Variants in NKAIN2 observed in about 807,000 individuals in gnomAD.
NKAIN2 encodes the protein sodium/potassium transporting ATPase interacting 2, also known as sodium/potassium-transporting ATPase subunit beta-1-interacting protein 2.
In NKAIN2, 14 loss-of-function variants were observed where a neutral mutation model predicts 32.6. The ratio of observed to expected loss-of-function variants is 0.43; its 90% CI spans 0.28 to 0.67. The LOEUF (loss-of-function observed/expected upper bound fraction) is 0.67, where lower values mean the gene tolerates loss of function less well. NKAIN2 is among the 30% of genes least tolerant of loss of function. The pLI, the probability that NKAIN2 is intolerant of heterozygous loss-of-function variation, is 0.17. For missense variants in NKAIN2, 198 were observed against 258.3 expected, an observed-to-expected ratio of 0.77 and a Z score of 1.60; for synonymous variants, 80 against 87.2, an observed-to-expected ratio of 0.92 and a Z score of 0.46.
At chr6:124,441,916 G>C (rs938840666) in intron 3 of NKAIN2, among the ~76,000 whole-genome samples, 78 of 151,954 alleles carry the variant, frequency 5.1e-4, no homozygotes, top group African/African-American at 1.8e-3. Context: ...CTAGCAGGTT[G>C]AATAGTTGAT....
chr6:123,876,990 C>A (rs935938161), intron 1 of NKAIN2, among the ~76,000 whole-genome samples: 2 of 152,058 alleles, frequency 1.3e-5, no homozygotes. Context: ...ACAAAAATTA[C>A]CCCAAAATAT....
intron 1 of NKAIN2, among the ~76,000 whole-genome samples, chr6:124,210,189 C>T (rs1416683735): frequency 6.6e-6 from 1 of 151,682 alleles, no homozygotes; most frequent in Non-Finnish European, 1.5e-5. Flanking sequence ...TTCCTAGCAC[C>T]ATTTGGACTG....
intron 3 of NKAIN2, among the ~76,000 whole-genome samples, chr6:124,436,617 C>G (rs1323361919): frequency 2.0e-5 from 3 of 152,070 alleles, no homozygotes; most frequent in African/African-American, 7.2e-5. Flanking sequence ...TCCCACAGCC[C>G]ACTCCAATCC....
intron 1 of NKAIN2, among the ~76,000 whole-genome samples, chr6:124,021,803 A>G (rs1192698605): frequency 6.6e-6 from 1 of 152,084 alleles, no homozygotes; most frequent in Non-Finnish European, 1.5e-5. Context: ...CCCTGATTGT[A>G]CTGCCTTTAA....
chr6:123,913,091 A>C (rs1468471020), intron 1 of NKAIN2, among the ~76,000 whole-genome samples: 3 of 152,202 alleles, frequency 2.0e-5, no homozygotes, highest in Non-Finnish European at 4.4e-5. Flanking sequence ...ATGATGGTTA[A>C]TTTCATGAGA....
At chr6:124,278,177 T>C (rs924911199) in intron 1 of NKAIN2, among the ~76,000 whole-genome samples, 3 of 152,168 alleles carry the variant, frequency 2.0e-5, no homozygotes, top group African/African-American at 7.2e-5. Context: ...TTCTTGTTAT[T>C]AAAGTTGAAT....
intron 1 of NKAIN2, among the ~76,000 whole-genome samples, chr6:124,052,372 C>G (rs1782451481): frequency 6.6e-6 from 1 of 152,036 alleles, no homozygotes; most frequent in Admixed American, 6.6e-5. Flanking sequence ...GTGTGGAACT[C>G]TGTAGTTGAT....
intron 1 of NKAIN2, among the ~76,000 whole-genome samples, chr6:123,910,499 G>GGT (rs1775117210): frequency 1.2e-5 from 1 of 81,314 alleles, no homozygotes; most frequent in Non-Finnish European, 2.2e-5. Context: ...TGCAATGCAT[G>GGT]TTTTTTTTTT....
At chr6:124,524,067 A>G (rs1223512321) in intron 3 of NKAIN2, among the ~76,000 whole-genome samples, 2 of 152,154 alleles carry the variant, frequency 1.3e-5, no homozygotes, top group Non-Finnish European at 2.9e-5. Flanking sequence ...CCACTAAGAA[A>G]TTACTACTTT....
At chr6:124,519,959 C>A (rs983019989) in intron 3 of NKAIN2, among the ~76,000 whole-genome samples, 1 of 152,052 alleles carries the variant, frequency 6.6e-6, no homozygotes, top group Non-Finnish European at 1.5e-5. Context: ...CTATACAGCA[C>A]CTCTATTGGG....
intron 1 of NKAIN2, among the ~76,000 whole-genome samples, chr6:124,046,044 A>G (rs1782108771): frequency 2.0e-5 from 3 of 152,022 alleles, no homozygotes; most frequent in Non-Finnish European, 4.4e-5. Context: ...CCAAGTTCAA[A>G]AGAGGGAAGA....
intron 1 of NKAIN2, among the ~76,000 whole-genome samples, chr6:123,842,387 C>G (rs1369615168): frequency 1.3e-5 from 2 of 152,084 alleles, no homozygotes; most frequent in South Asian, 2.1e-4. Context: ...AAAGTACTCT[C>G]ATGCCTTTTT....
At chr6:124,746,937 T>C (rs1460447063) in intron 4 of NKAIN2, among the ~76,000 whole-genome samples, 1 of 151,924 alleles carries the variant, frequency 6.6e-6, no homozygotes, top group East Asian at 1.9e-4. Context: ...CTATTAACAC[T>C]ATTATATCCA....
At chr6:124,350,165 C>T (rs1798649438) in intron 2 of NKAIN2, among the ~76,000 whole-genome samples, 1 of 152,182 alleles carries the variant, frequency 6.6e-6, no homozygotes, top group African/African-American at 2.4e-5. Context: ...AACATCTTTT[C>T]CAATTATACT....
rs896926091 is a variant in NKAIN2, at chr6:124,043,930, T to C, written c.55-239075T>C. 4.7e-4 allele frequency among the ~76,000 whole-genome samples: 72 copies of C among 152,016 alleles called. 2 individuals carry two copies. Among genetic ancestry groups the C allele is most frequent in the Non-Finnish European group, 2.9e-5 (2 of 67,964 alleles). On this transcript the variant is annotated intron_variant, in intron 1 of 6. Transcript: ENST00000368417. ...GGTGAACGGAAAGTAAGACAAACCA[T>C]AGTGTATTGCAAAAGGTAGGAACTA...
chr6:124,431,544 T>C (rs890619170), intron 3 of NKAIN2, among the ~76,000 whole-genome samples: 2 of 152,210 alleles, frequency 1.3e-5, no homozygotes, highest in Non-Finnish European at 2.9e-5. Flanking sequence ...AGATATATTA[T>C]ATGCTATATG....
At chr6:124,372,158 A>C (rs1166705948) in intron 3 of NKAIN2, among the ~76,000 whole-genome samples, 1 of 152,176 alleles carries the variant, frequency 6.6e-6, no homozygotes, top group Non-Finnish European at 1.5e-5. Context: ...AATACCATAC[A>C]TGTTTATACA....
At chr6:124,706,458 A>G (rs143003492) in intron 4 of NKAIN2, among the ~76,000 whole-genome samples, 3 of 152,088 alleles carry the variant, frequency 2.0e-5, no homozygotes, top group Admixed American at 1.3e-4. Flanking sequence ...ATATGATTCT[A>G]TGTCAGCTGA....
chr6:124,454,173 G>C (rs1402177151), intron 3 of NKAIN2, among the ~76,000 whole-genome samples: 2 of 150,750 alleles, frequency 1.3e-5, no homozygotes, highest in African/African-American at 4.9e-5. Flanking sequence ...CATACAAATA[G>C]ATTATGTTGA....
Sources: allele counts gnomAD v4.1 joint callset (sites outside exome capture counted in the v4.1 genomes callset), GRCh38; gene constraint gnomAD v4.1.1; transcripts MANE v1.5; gene names NCBI Gene and HGNC (gene_info 2026-07-23, HGNC 2026-07-21).